BMAL2: variants seen among roughly 807,000 people sequenced by gnomAD.
BMAL2 encodes the protein basic helix-loop-helix ARNT-like protein 2.
the BMAL2 span, among the ~76,000 whole-genome samples, chr12:27,369,184 G>A: frequency 1.3e-5 from 2 of 152,200 alleles, no homozygotes; most frequent in East Asian, 3.8e-4. Context: ...TTACATAAAT[G>A]TGAGAGTTGA....
the BMAL2 span, among the ~76,000 whole-genome samples, chr12:27,367,410 C>T: frequency 3.9e-5 from 6 of 152,222 alleles, no homozygotes; most frequent in East Asian, 1.2e-3. Flanking sequence ...AAGTTGACCA[C>T]GGGTAACTGA....
chr12:27,404,758 G>T, the BMAL2 span, among the ~76,000 whole-genome samples: 12 of 152,310 alleles, frequency 7.9e-5, no homozygotes, highest in South Asian at 2.5e-3. Flanking sequence ...GTGGGTGCAG[G>T]ACAGTGGGTG....
At chr12:27,360,057 A>AT in the BMAL2 span, among the ~76,000 whole-genome samples, 4 of 149,842 alleles carry the variant, frequency 2.7e-5, no homozygotes, top group Non-Finnish European at 4.5e-5. Context: ...TATTTAAAAA[A>AT]AAAAAAAAAA....
the BMAL2 span, among the ~76,000 whole-genome samples, chr12:27,399,052 A>G: frequency 1.3e-5 from 2 of 152,140 alleles, no homozygotes; most frequent in Non-Finnish European, 2.9e-5. Context: ...AATAAGTGAT[A>G]AAGACTGGGT....
chr12:27,405,411 A>T, the BMAL2 span, among the ~76,000 whole-genome samples: 10 of 152,226 alleles, frequency 6.6e-5, no homozygotes, highest in African/African-American at 2.2e-4. Context: ...TTCCAGAGGA[A>T]CGATCAGGCA....
chr12:27,400,597 T>C, the BMAL2 span: 3 of 1,613,956 alleles, frequency 1.9e-6, no homozygotes, highest in Non-Finnish European at 2.5e-6. Flanking sequence ...CCAAATATTG[T>C]TGGAATGGAA....
the BMAL2 span, among the ~76,000 whole-genome samples, chr12:27,378,749 G>C: frequency 1.3e-5 from 2 of 152,202 alleles, no homozygotes; most frequent in Non-Finnish European, 2.9e-5. Flanking sequence ...TCATAGAATA[G>C]ACTAGGAGAG....
chr12:27,406,193 C>T, the BMAL2 span, among the ~76,000 whole-genome samples: 1 of 152,300 alleles, frequency 6.6e-6, no homozygotes, highest in Admixed American at 6.5e-5. Context: ...AGGAGAACTT[C>T]CCCAATCTAG....
At chr12:27,406,749 C>T in the BMAL2 span, among the ~76,000 whole-genome samples, 1 of 152,128 alleles carries the variant, frequency 6.6e-6, no homozygotes, top group Non-Finnish European at 1.5e-5. Context: ...ACAATATTAA[C>T]CTTAAATGTA....
At chr12:27,334,611 C>A in the BMAL2 span, among the ~76,000 whole-genome samples, 1 of 152,256 alleles carries the variant, frequency 6.6e-6, no homozygotes, top group South Asian at 2.1e-4. Flanking sequence ...CCTACTAATT[C>A]CCCAGATAAG....
At chr12:27,389,169 T>A in the BMAL2 span, 3 of 1,547,244 alleles carry the variant, frequency 1.9e-6, no homozygotes, top group African/African-American at 4.1e-5. Context: ...AATGTCTACC[T>A]TATGAATAGG....
At chr12:27,376,894 G>C in the BMAL2 span, among the ~76,000 whole-genome samples, 1 of 151,422 alleles carries the variant, frequency 6.6e-6, no homozygotes, top group Non-Finnish European at 1.5e-5. Flanking sequence ...CAGCTACTCG[G>C]GGGGACTGAG....
chr12:27,359,221 T>C, the BMAL2 span, among the ~76,000 whole-genome samples: 1 of 152,154 alleles, frequency 6.6e-6, no homozygotes. Flanking sequence ...TCCTTGTTTG[T>C]GAAGTAGGGA....
the BMAL2 span, among the ~76,000 whole-genome samples, chr12:27,406,481 T>G: frequency 6.6e-6 from 1 of 152,138 alleles, no homozygotes; most frequent in African/African-American, 2.4e-5. Flanking sequence ...GAAGTTCATA[T>G]CCAGCCAAAC....
chr12:27,367,049 A>T, the BMAL2 span, among the ~76,000 whole-genome samples: 1 of 152,232 alleles, frequency 6.6e-6, no homozygotes, highest in Non-Finnish European at 1.5e-5. Context: ...ATACATACCT[A>T]TGATAAAAGT....
the BMAL2 span, among the ~76,000 whole-genome samples, chr12:27,347,860 A>G: frequency 1.3e-5 from 2 of 152,190 alleles, no homozygotes; most frequent in Non-Finnish European, 2.9e-5. Flanking sequence ...GTCCAGTATG[A>G]GCAATGCAAG....
chr12:27,423,639 T>A, the BMAL2 span: 2 of 152,194 alleles, frequency 1.3e-5, no homozygotes, highest in Admixed American at 6.5e-5. Context: ...TACTCTACAC[T>A]TTTTTTAACC....
the BMAL2 span, among the ~76,000 whole-genome samples, chr12:27,365,497 A>C: frequency 6.6e-6 from 1 of 152,044 alleles, no homozygotes; most frequent in Admixed American, 6.6e-5. Context: ...GACAAAGAAA[A>C]GTTGGGGGTC....
chr12:27,363,408 A>T, the BMAL2 span, among the ~76,000 whole-genome samples: 3 of 152,218 alleles, frequency 2.0e-5, no homozygotes, highest in African/African-American at 7.2e-5. Context: ...ATGGTTTCCA[A>T]AGTGGCTGTA....
Sources: gnomAD v4.1 joint callset for allele counts (sites outside exome capture counted in the v4.1 genomes callset) on GRCh38, gnomAD v4.1.1 for gene constraint, MANE v1.5 for transcripts, NCBI Gene and HGNC (gene_info 2026-07-23, HGNC 2026-07-21) for gene names.